Variants in PPFIA2 observed in about 807,000 individuals in gnomAD.
PPFIA2 encodes the protein PPFI scaffold protein A2.
PPFIA2 carries 46 observed loss-of-function variants against 175.5 expected under a neutral mutation model. The observed-to-expected ratio is 0.26, with a 90% confidence interval of 0.21 to 0.34. The LOEUF (loss-of-function observed/expected upper bound fraction) is 0.34, where lower values mean the gene tolerates loss of function less well. Among genes scored for constraint, PPFIA2 ranks in the 10% least tolerant of loss-of-function variants. The pLI, the probability that PPFIA2 is intolerant of heterozygous loss-of-function variation, is 1.00. For missense variants in PPFIA2, 1,179 were observed against 1,506.1 expected, an observed-to-expected ratio of 0.78 and a Z score of 3.60; for synonymous variants, 568 against 511.4, an observed-to-expected ratio of 1.11 and a Z score of -1.49.
At chr12:81,545,830 A>G (rs1396656247) in intron 4 of PPFIA2, 2 of 152,252 alleles carry the variant, frequency 1.3e-5, no homozygotes, top group Non-Finnish European at 2.9e-5. Context: ...CCACTAATAA[A>G]AATTATCTGA....
chr12:81,638,287 A>G (rs2064388356), intron 4 of PPFIA2, among the ~76,000 whole-genome samples: 1 of 152,168 alleles, frequency 6.6e-6, no homozygotes, highest in Admixed American at 6.6e-5. Flanking sequence ...CTATTTACTA[A>G]AATATAGAAT....
chr12:81,730,712 C>G (rs774550606), intron 3 of PPFIA2, among the ~76,000 whole-genome samples: 1 of 151,456 alleles, frequency 6.6e-6, no homozygotes, highest in Non-Finnish European at 1.5e-5. Context: ...AAGCAACTAA[C>G]CTTGATATGT....
At chr12:81,273,864 G>A (rs190999127) in intron 28 of PPFIA2, among the ~76,000 whole-genome samples, 1 of 151,704 alleles carries the variant, frequency 6.6e-6, no homozygotes, top group African/African-American at 2.4e-5. Flanking sequence ...TCCCCTCAGA[G>A]TTTTGCCTCT....
intron 3 of PPFIA2, among the ~76,000 whole-genome samples, chr12:81,684,626 C>G (rs1203481590): frequency 1.3e-5 from 2 of 152,072 alleles, no homozygotes; most frequent in Non-Finnish European, 2.9e-5. Flanking sequence ...AATGTTTGCA[C>G]AATAAATCTT....
chr12:81,639,260 T>A (rs1483298939), intron 4 of PPFIA2, among the ~76,000 whole-genome samples: 1 of 151,834 alleles, frequency 6.6e-6, no homozygotes, highest in Non-Finnish European at 1.5e-5. Context: ...AGCATCAATT[T>A]CCCCCTGCTT....
intron 22 of PPFIA2, chr12:81,302,652 C>A (rs1455054877): frequency 2.4e-5 from 11 of 451,712 alleles, no homozygotes; most frequent in Admixed American, 7.1e-5. Flanking sequence ...AGGTTTTACA[C>A]CAGGACTGTG....
intron 7 of PPFIA2, chr12:81,430,526 T>G (rs2047912503): frequency 1.7e-5 from 1 of 59,534 alleles, no homozygotes; most frequent in Admixed American, 1.9e-4. Flanking sequence ...TGCTTAAAAC[T>G]CTCTCTCTCT....
chr12:81,361,807 ACTT>A lies in PPFIA2; in HGVS notation c.1637+883_1637+885del, dbSNP rs202172502. Among the ~76,000 whole-genome samples the A allele has an allele frequency of 9.1e-3, 1,375 of 151,734 alleles. 24 individuals carry two copies. The highest frequency in any genetic ancestry group is 0.031 in the African/African-American group (1,285 of 41,500). The stretch of plus-strand genomic sequence containing the variant: ...ATGAACATAACACCAAGAAAGATGA[ACTT>A]CTACTAAAAGCCTATGGTAGTGGAA... On this transcript the variant is annotated intron_variant, in intron 15 of 32. Transcript: ENST00000549396.
intron 4 of PPFIA2, among the ~76,000 whole-genome samples, chr12:81,643,341 C>A (rs1044928461): frequency 3.9e-5 from 6 of 151,936 alleles, no homozygotes; most frequent in African/African-American, 1.4e-4. Context: ...CTTTTGCAGA[C>A]ACCTTCCCTA....
chr12:81,755,715 T>C (rs1468169077), intron 2 of PPFIA2, among the ~76,000 whole-genome samples: 1 of 152,122 alleles, frequency 6.6e-6, no homozygotes, highest in East Asian at 1.9e-4. Context: ...AAGGGGGTCA[T>C]TGAACATTAG....
At chr12:81,636,718 G>T (rs921305502) in intron 4 of PPFIA2, among the ~76,000 whole-genome samples, 1 of 151,894 alleles carries the variant, frequency 6.6e-6, no homozygotes, top group Non-Finnish European at 1.5e-5. Context: ...AGTGGCGCAA[G>T]CTCAGCTCGC....
At position 81,258,238 on chromosome 12, in the gene PPFIA2, A is replaced by T. The variant is rs1440856702; in HGVS notation, c.*1456T>A. Reference sequence around the variant, plus strand: ...TAAGTAAATTGTCGAGCCTTATGTGACTAGAAAACAAAGCTTAAACAGAGA... The same window carrying T: ...TAAGTAAATTGTCGAGCCTTATGTGTCTAGAAAACAAAGCTTAAACAGAGA... On this transcript the variant is annotated 3_prime_UTR_variant, in exon 33 of 33. Transcript: ENST00000549396. 6.6e-6 allele frequency: 1 copy of T among 152,146 alleles called. No individual in the cohort carries two copies. Among genetic ancestry groups the T allele is most frequent in the Non-Finnish European group, 1.5e-5 (1 of 67,998 alleles). 9.4% of individuals were successfully genotyped at this position (152,146 alleles called of 1,614,324 possible).
intron 3 of PPFIA2, among the ~76,000 whole-genome samples, chr12:81,717,435 G>A (rs1438390573): frequency 1.3e-5 from 2 of 151,672 alleles, no homozygotes; most frequent in Non-Finnish European, 3.0e-5. Context: ...GATAATAATA[G>A]TACCTTTATA....
intron 28 of PPFIA2, among the ~76,000 whole-genome samples, chr12:81,273,287 G>A (rs1034601175): frequency 3.3e-5 from 5 of 151,950 alleles, no homozygotes; most frequent in African/African-American, 9.7e-5. Flanking sequence ...CTGAAGGCCC[G>A]GCAGTTTTGG....
intron 22 of PPFIA2, among the ~76,000 whole-genome samples, chr12:81,300,310 A>G (rs2047496834): frequency 6.6e-6 from 1 of 152,290 alleles, no homozygotes; most frequent in South Asian, 2.1e-4. Flanking sequence ...TAGATGATAA[A>G]AACATGGTAT....
chr12:81,509,653 A>G (rs1254183256), intron 4 of PPFIA2, among the ~76,000 whole-genome samples: 3 of 149,642 alleles, frequency 2.0e-5, no homozygotes, highest in Non-Finnish European at 4.4e-5. Context: ...GACTCAAACT[A>G]TATAAAGTCT....
chr12:81,350,773 T>C (rs1338049354), intron 17 of PPFIA2, among the ~76,000 whole-genome samples: 1 of 151,098 alleles, frequency 6.6e-6, no homozygotes, highest in Non-Finnish European at 1.5e-5. Context: ...ACTAGCATAC[T>C]ACAAAGAAAC....
Position 81,314,923 on chromosome 12 carries a change from A to C in PPFIA2, c.2642+10854T>G, listed in dbSNP as rs181540040. 1.4e-4 allele frequency among the ~76,000 whole-genome samples: 21 copies of C among 151,942 alleles called. No homozygotes were observed. The East Asian group carries it at 3.7e-3, about 27-fold the overall frequency. On this transcript the variant is annotated intron_variant, in intron 22 of 32. Coordinates refer to ENST00000549396, the MANE Select transcript of PPFIA2 (RefSeq NM_003625.5). ...ATGTTTAAATGCTGATGGGGGAAAA[A>C]AAAAGACAGGAGCAGAAGTTGAAAG... is the stretch of plus-strand genomic sequence containing the variant.
chr12:81,475,134 G>A (rs1054390172), intron 4 of PPFIA2, among the ~76,000 whole-genome samples: 3 of 152,082 alleles, frequency 2.0e-5, no homozygotes, highest in Non-Finnish European at 4.4e-5. Flanking sequence ...ATTCTATTCT[G>A]TCATACAAAC....
Sources: gnomAD v4.1 joint callset for allele counts (sites outside exome capture counted in the v4.1 genomes callset) on GRCh38, gnomAD v4.1.1 for gene constraint, MANE v1.5 for transcripts, NCBI Gene and HGNC (gene_info 2026-07-23, HGNC 2026-07-21) for gene names.